ITK: variants seen among roughly 807,000 people sequenced by gnomAD.
The protein encoded by ITK is IL2 inducible T cell kinase.
Under a neutral mutation model 87.6 loss-of-function variants are expected in ITK, and 45 were observed. The observed-to-expected ratio is 0.51, with a 90% CI of 0.40 to 0.66. ITK has a LOEUF of 0.66. Ranked by LOEUF, ITK falls within the 30% of genes least tolerant of loss-of-function variation. The probability of loss-of-function intolerance (pLI) is 0.00; values close to 1 mark genes in which losing one functional copy is unlikely to be tolerated. For missense variants in ITK, 605 were observed against 766.3 expected (o/e 0.79, Z 2.48); for synonymous variants, 303 against 273.6 (o/e 1.11, Z -1.06).
intron 6 of ITK, among the ~76,000 whole-genome samples, chr5:157,225,206 G>A (rs894504149): frequency 1.3e-5 from 2 of 151,992 alleles, no homozygotes; most frequent in African/African-American, 4.8e-5. Context: ...TGTTGCCCGG[G>A]CTTGTCTCAA....
At chr5:157,232,755 C>A (rs1754685899) in intron 8 of ITK, among the ~76,000 whole-genome samples, 1 of 152,186 alleles carries the variant, frequency 6.6e-6, no homozygotes, top group South Asian at 2.1e-4. Context: ...ATTTACAGGA[C>A]TAGCAAACCA....
chr5:157,201,080 A>ATATT (rs1554100497), intron 1 of ITK, among the ~76,000 whole-genome samples: 1 of 152,066 alleles, frequency 6.6e-6, no homozygotes, highest in Non-Finnish European at 1.5e-5. Context: ...ATAATATACA[A>ATATT]TATTACTTGA....
chr5:157,232,472 T>C, intron 8 of ITK, 78 bp downstream of exon 8: 1 of 1,028,992 alleles, frequency 9.7e-7, no homozygotes, highest in Non-Finnish European at 1.5e-6. Flanking sequence ...ATCCCAGCGA[T>C]TTGGCAGGCC....
chr5:157,251,067 A>G (rs1755131255), intron 16 of ITK, among the ~76,000 whole-genome samples: 1 of 152,226 alleles, frequency 6.6e-6, no homozygotes, highest in African/African-American at 2.4e-5. Context: ...GCTGAATCAT[A>G]TGGTAAGACT....
intron 1 of ITK, among the ~76,000 whole-genome samples, chr5:157,186,325 T>A (rs1753641770): frequency 6.7e-6 from 1 of 150,074 alleles, no homozygotes; most frequent in Admixed American, 6.6e-5. Context: ...CCAGGACAAA[T>A]CCTTGTCTTT....
intron 2 of ITK, among the ~76,000 whole-genome samples, chr5:157,209,409 G>A (rs1754144217): frequency 6.6e-6 from 1 of 151,720 alleles, no homozygotes; most frequent in Admixed American, 6.6e-5. Flanking sequence ...TCCAAGGTTA[G>A]GACTTAGACA....
rs138901211 is a variant in ITK, at chr5:157,215,218, A to G, written c.454+899A>G. Among the ~76,000 whole-genome samples, 489 of 152,238 alleles carry G rather than the reference A, an allele frequency of 3.2e-3. 4 individuals carry two copies. Among genetic ancestry groups the G allele is most frequent in the Non-Finnish European group, 2.2e-3 (150 of 68,010 alleles). The stretch of plus-strand genomic sequence containing the variant: ...CATTGTCGAATAGGAATAATGGCCC[A>G]TGTGGATTGTTTTCCTTCCATTTTC... On this transcript the variant is annotated intron_variant, in intron 4 of 16. Transcript: ENST00000422843.
chr5:157,232,009 A>G (rs184344989), intron 7 of ITK, among the ~76,000 whole-genome samples: 124 of 152,276 alleles, frequency 8.1e-4, no homozygotes, highest in African/African-American at 2.8e-3. Context: ...TCCAATGTAT[A>G]CAAAAGTAAA....
intron 4 of ITK, among the ~76,000 whole-genome samples, chr5:157,216,759 T>A (rs1265854649): frequency 3.3e-5 from 5 of 152,120 alleles, no homozygotes; most frequent in Non-Finnish European, 5.9e-5. Context: ...AACACCAGTC[T>A]CCCAGCTCCA....
At chr5:157,236,492 T>G (rs965599374) in intron 8 of ITK, among the ~76,000 whole-genome samples, 1 of 152,184 alleles carries the variant, frequency 6.6e-6, no homozygotes, top group African/African-American at 2.4e-5. Flanking sequence ...ATTTTAGTTG[T>G]GGGATAGAAG....
intron 1 of ITK, among the ~76,000 whole-genome samples, chr5:157,192,190 G>A (rs563174641): frequency 6.6e-6 from 1 of 152,306 alleles, no homozygotes; most frequent in East Asian, 1.9e-4. Context: ...AGTGTCACAT[G>A]TATGTAGATG....
chr5:157,233,200 T>C lies in ITK; in HGVS notation c.768+806T>C, dbSNP rs372444593. Among the ~76,000 whole-genome samples, 8 of 152,280 alleles carry C rather than the reference T, an allele frequency of 5.3e-5. No individual in the cohort carries two copies. The East Asian group carries it at 1.5e-3, about 29-fold the overall frequency. ...TTTCTCAGTGAGTAGAAGGGCAGAA[T>C]TGGATTAAGTCAGGGATCACAGTTA... On this transcript the variant is annotated intron_variant, in intron 8 of 16. Transcript: ENST00000422843.
At chr5:157,235,479 C>T (rs990040768) in intron 8 of ITK, among the ~76,000 whole-genome samples, 1 of 152,220 alleles carries the variant, frequency 6.6e-6, no homozygotes, top group African/African-American at 2.4e-5. Context: ...TCTGTTCTCA[C>T]TCTGCCTCCA....
At chr5:157,223,729 A>C (rs1754475611) in intron 6 of ITK, among the ~76,000 whole-genome samples, 1 of 152,180 alleles carries the variant, frequency 6.6e-6, no homozygotes, top group African/African-American at 2.4e-5. Context: ...TCTAAATTGC[A>C]AATTCCCTTG....
At chr5:157,244,784 G>A (rs943670517) in intron 13 of ITK, 9 of 389,614 alleles carry the variant, frequency 2.3e-5, no homozygotes, top group African/African-American at 1.7e-4. Context: ...GTAAATTGAG[G>A]AAACTGAGTT....
At chr5:157,183,785 CAT>C (rs1753589001) in intron 1 of ITK, among the ~76,000 whole-genome samples, 1 of 152,128 alleles carries the variant, frequency 6.6e-6, no homozygotes, top group African/African-American at 2.4e-5. Context: ...TCTCTTTTCT[CAT>C]GTGTAAAATT....
At chr5:157,187,194 CA>C (rs1459301469) in intron 1 of ITK, among the ~76,000 whole-genome samples, 1 of 152,246 alleles carries the variant, frequency 6.6e-6, no homozygotes, top group Non-Finnish European at 1.5e-5. Flanking sequence ...CTTCACAGCA[CA>C]TGCTGAAGTT....
chr5:157,244,261 G>A lies in ITK; in HGVS notation c.1233-1G>A. 6.2e-7 allele frequency: 1 copy of A among 1,613,970 alleles called. No individual in the cohort carries two copies. The highest frequency in any genetic ancestry group is 1.1e-5 in the South Asian group (1 of 91,078). ...TCTCACCCCTTGTCTTTTTCCTCCA[G>A]GAAACTCTCTCATCCCAAACTGGTG... On this transcript the variant is annotated splice_acceptor_variant, in intron 12 of 16. Coordinates refer to ENST00000422843, the MANE Select transcript of ITK (RefSeq NM_005546.4). LOFTEE classifies it high-confidence loss of function.
At chr5:157,198,564 G>A (rs758539569) in intron 1 of ITK, among the ~76,000 whole-genome samples, 4 of 152,134 alleles carry the variant, frequency 2.6e-5, no homozygotes, top group Non-Finnish European at 4.4e-5. Context: ...CAGTTTCCTG[G>A]CTTTAAGGTG....
Sources: allele counts gnomAD v4.1 joint callset (sites outside exome capture counted in the v4.1 genomes callset), GRCh38; gene constraint gnomAD v4.1.1; transcripts MANE v1.5; gene names NCBI Gene and HGNC (gene_info 2026-07-23, HGNC 2026-07-21).